The following NPAS3 variants were observed in gnomAD, a reference collection of about 807,000 sequenced individuals.
The protein encoded by NPAS3 is neuronal PAS domain protein 3.
In NPAS3, 14 loss-of-function variants were observed where a neutral mutation model predicts 73.1. That is an observed-to-expected ratio of 0.19 (90% CI 0.13 to 0.30). The LOEUF is 0.30. NPAS3 is among the 10% of genes least tolerant of loss of function. The pLI is 1.00. For synonymous variants in NPAS3, 620 were observed against 541.5 expected (o/e 1.14, Z -2.01); for missense variants, 1,096 against 1,250.0 (o/e 0.88, Z 1.86).
chr14:33,616,255 C>T (rs1567057343), intron 5 of NPAS3, among the ~76,000 whole-genome samples: 1 of 152,192 alleles, frequency 6.6e-6, no homozygotes, highest in Non-Finnish European at 1.5e-5. Context: ...CCACCAAGCC[C>T]TCACAGACGA....
intron 1 of NPAS3, among the ~76,000 whole-genome samples, chr14:32,995,531 C>G (rs1055231159): frequency 6.6e-6 from 1 of 152,210 alleles, no homozygotes; most frequent in Admixed American, 6.5e-5. Flanking sequence ...TGTCCCCACC[C>G]AAATCTCATC....
chr14:33,764,122 TCTC>T (rs761136231), intron 7 of NPAS3, among the ~76,000 whole-genome samples: 1 of 152,188 alleles, frequency 6.6e-6, no homozygotes, highest in East Asian at 1.9e-4. Context: ...AATCATTTAT[TCTC>T]CTAGAGCCCT....
At chr14:33,058,326 G>A (rs559227620) in intron 2 of NPAS3, among the ~76,000 whole-genome samples, 11 of 152,240 alleles carry the variant, frequency 7.2e-5, no homozygotes, top group African/African-American at 2.4e-4. Flanking sequence ...TGGTGAAGGG[G>A]TAACTGTTTT....
At chr14:33,040,185 C>T (rs1306799591) in intron 1 of NPAS3, among the ~76,000 whole-genome samples, 4 of 151,856 alleles carry the variant, frequency 2.6e-5, no homozygotes, top group South Asian at 2.1e-4. Flanking sequence ...GTAACTGAAT[C>T]GGGGGAAACA....
At chr14:32,997,939 T>C (rs1478623229) in intron 1 of NPAS3, among the ~76,000 whole-genome samples, 2 of 152,154 alleles carry the variant, frequency 1.3e-5, no homozygotes, top group African/African-American at 4.8e-5. Context: ...AAATGTAAAG[T>C]AGTTCAGCCA....
intron 2 of NPAS3, among the ~76,000 whole-genome samples, chr14:33,094,660 T>A (rs2042346215): frequency 6.6e-6 from 1 of 152,144 alleles, no homozygotes; most frequent in African/African-American, 2.4e-5. Flanking sequence ...GAGATGAGGC[T>A]TCACCTTTTT....
intron 3 of NPAS3, among the ~76,000 whole-genome samples, chr14:33,334,680 T>C (rs1056042855): frequency 2.0e-5 from 3 of 151,362 alleles, no homozygotes; most frequent in African/African-American, 7.3e-5. Flanking sequence ...TTATTCTTTT[T>C]ACAAAATTTT....
At chr14:33,614,818 A>T (rs1056959929) in intron 5 of NPAS3, among the ~76,000 whole-genome samples, 7 of 152,208 alleles carry the variant, frequency 4.6e-5, no homozygotes, top group African/African-American at 1.7e-4. Flanking sequence ...TTCAAAATAT[A>T]TTCTGAATAC....
intron 6 of NPAS3, among the ~76,000 whole-genome samples, chr14:33,719,033 T>C (rs2061033054): frequency 6.6e-6 from 1 of 151,988 alleles, no homozygotes; most frequent in South Asian, 2.1e-4. Context: ...GAGGCTGAGG[T>C]TGGAGGATTG....
intron 5 of NPAS3, among the ~76,000 whole-genome samples, chr14:33,629,152 G>A (rs913149991): frequency 2.0e-5 from 3 of 151,540 alleles, no homozygotes; most frequent in South Asian, 2.1e-4. Flanking sequence ...GGAGAATGGC[G>A]TGAGCCCCGG....
intron 5 of NPAS3, among the ~76,000 whole-genome samples, chr14:33,629,270 C>G (rs2058312353): frequency 6.6e-6 from 1 of 151,470 alleles, no homozygotes. Context: ...GTGGATCTCT[C>G]TAAGGAATTC....
chr14:33,800,885 G>A lies in NPAS3; in HGVS notation c.2578G>A (p.Gly860Ser), dbSNP rs868500866. 6 of 1,606,738 alleles carry A rather than the reference G, an allele frequency of 3.7e-6. No individual in the cohort carries two copies. The highest frequency in any genetic ancestry group is 5.1e-6 in the Non-Finnish European group (6 of 1,177,124). The change falls in exon 12 of 12, where the codon GGC becomes AGC. Residue 860 changes from glycine to serine, a missense_variant. By Grantham distance (56) the Gly-to-Ser change is moderately conservative. Coordinates refer to ENST00000356141, the Ensembl canonical transcript of NPAS3. This position sits in a 1 kb window ranked among gnomAD's most constrained non-coding sequence, Gnocchi z 6.5. ...TAACTTCGTGGACGTTAACAGCCCC[G>A]GCTTTGGCCTCGACCCCAAGACGCC...
chr14:33,579,096 C>T (rs1373369671), intron 5 of NPAS3, among the ~76,000 whole-genome samples: 1 of 152,176 alleles, frequency 6.6e-6, no homozygotes, highest in Non-Finnish European at 1.5e-5. Context: ...TCTCAACAAT[C>T]CTAATGAGGT....
chr14:33,581,214 G>C (rs2056650764), intron 5 of NPAS3, among the ~76,000 whole-genome samples: 2 of 152,158 alleles, frequency 1.3e-5, no homozygotes, highest in African/African-American at 4.8e-5. Flanking sequence ...CTTCATTTCT[G>C]AGTCCCAGCC....
intron 3 of NPAS3, among the ~76,000 whole-genome samples, chr14:33,291,847 C>T (rs763681896): frequency 7.9e-5 from 12 of 152,180 alleles, no homozygotes; most frequent in South Asian, 2.1e-4. Context: ...TGTCAGCTCC[C>T]GTGTCTCCAC....
intron 1 of NPAS3, among the ~76,000 whole-genome samples, chr14:33,049,188 A>G (rs1391489178): frequency 1.3e-5 from 2 of 152,224 alleles, no homozygotes; most frequent in African/African-American, 4.8e-5. Context: ...TTATTGAGTG[A>G]GTGAATTCAT....
At chr14:33,310,918 TCA>T (rs1244824428) in intron 3 of NPAS3, among the ~76,000 whole-genome samples, 4 of 152,070 alleles carry the variant, frequency 2.6e-5, no homozygotes, top group Admixed American at 2.0e-4. Context: ...GACCTTAGGA[TCA>T]CTGTGCACTT....
At chr14:33,154,125 T>C (rs993226669) in intron 2 of NPAS3, among the ~76,000 whole-genome samples, 19 of 152,220 alleles carry the variant, frequency 1.2e-4, no homozygotes, top group African/African-American at 4.6e-4. Context: ...TTTTTGCTGC[T>C]ACTATGTCCT....
chr14:32,955,684 C>A (rs1173453936), intron 1 of NPAS3, among the ~76,000 whole-genome samples: 2 of 152,088 alleles, frequency 1.3e-5, no homozygotes, highest in East Asian at 3.9e-4. Flanking sequence ...TGCTGAAACA[C>A]CTTCTTGGAA....
Sources: allele counts gnomAD v4.1 joint callset (sites outside exome capture counted in the v4.1 genomes callset), GRCh38; gene constraint gnomAD v4.1.1; non-coding constraint Gnocchi (gnomAD v3.1); transcripts MANE v1.5; gene names NCBI Gene and HGNC (gene_info 2026-07-23, HGNC 2026-07-21).